The following PARD3 variants were observed in gnomAD, a reference collection of about 807,000 sequenced individuals.
PARD3 encodes the protein par-3 family cell polarity regulator.
A neutral mutation model predicts 155.4 loss-of-function variants in PARD3; 75 were observed. The ratio of observed to expected loss-of-function variants is 0.48; its 90% confidence interval spans 0.40 to 0.58. The LOEUF (loss-of-function observed/expected upper bound fraction) is 0.58. Ranked by LOEUF, PARD3 falls within the 20% of genes least tolerant of loss-of-function variation. The probability of loss-of-function intolerance (pLI) is 0.00; values close to 1 mark genes in which losing one functional copy is unlikely to be tolerated. For missense variants in PARD3, 1,642 were observed against 1,721.7 expected (o/e 0.95, Z 0.82); for synonymous variants, 576 against 610.5 (o/e 0.94, Z 0.83).
At chr10:34,769,432 T>G (rs1838548909) in intron 1 of PARD3, among the ~76,000 whole-genome samples, 1 of 151,968 alleles carries the variant, frequency 6.6e-6, no homozygotes, top group Non-Finnish European at 1.5e-5. Flanking sequence ...TCAGCCCACC[T>G]CCTCCCATTT....
chr10:34,250,232 A>G (rs1384501438), intron 22 of PARD3, among the ~76,000 whole-genome samples: 4 of 152,206 alleles, frequency 2.6e-5, no homozygotes, highest in Non-Finnish European at 5.9e-5. Context: ...AAGTTGGATC[A>G]ATTAGCAGCC....
chr10:34,353,055 G>A (rs1355421598), intron 14 of PARD3, among the ~76,000 whole-genome samples: 2 of 151,426 alleles, frequency 1.3e-5, no homozygotes, highest in Non-Finnish European at 2.9e-5. Context: ...GAAGTGAGGA[G>A]CCCCTCCGCC....
At chr10:34,228,078 C>A (rs1265081669) in intron 22 of PARD3, among the ~76,000 whole-genome samples, 1 of 151,468 alleles carries the variant, frequency 6.6e-6, no homozygotes, top group African/African-American at 2.4e-5. Flanking sequence ...CAATACTAGG[C>A]AGCCATAAAA....
At chr10:34,656,772 G>A (rs571951603) in intron 2 of PARD3, among the ~76,000 whole-genome samples, 2 of 152,308 alleles carry the variant, frequency 1.3e-5, no homozygotes, top group African/African-American at 4.8e-5. Context: ...TAATAACTCA[G>A]GGCCGCAGGA....
Position 34,224,950 on chromosome 10 carries a change from G to C in PARD3, c.3419+44707C>G, listed in dbSNP as rs539159635. 3.3e-5 allele frequency among the ~76,000 whole-genome samples: 5 copies of C among 152,186 alleles called. No homozygotes were observed. The South Asian group carries it at 1.0e-3, about 32-fold the overall frequency. On this transcript the variant is annotated intron_variant, in intron 22 of 24. Transcript: ENST00000374788. ...CTTTTCCTGAACAAGCTGGTTCCCT[G>C]GCTCTATTTTCATTGTTGTTGTTGT...
At chr10:34,199,628 C>T (rs932284323) in intron 22 of PARD3, among the ~76,000 whole-genome samples, 2 of 152,104 alleles carry the variant, frequency 1.3e-5, no homozygotes, top group African/African-American at 2.4e-5. Flanking sequence ...ATCTGAAAAA[C>T]CTGAATAAAA....
chr10:34,751,516 A>T (rs969086921), intron 1 of PARD3, among the ~76,000 whole-genome samples: 2 of 152,164 alleles, frequency 1.3e-5, no homozygotes, highest in African/African-American at 4.8e-5. Context: ...ATCCCTTCAG[A>T]GTCACCCTTT....
intron 22 of PARD3, among the ~76,000 whole-genome samples, chr10:34,239,796 C>T (rs1953464569): frequency 7.4e-6 from 1 of 135,140 alleles, no homozygotes; most frequent in African/African-American, 2.8e-5. Context: ...GAGTGACACT[C>T]CATCTCAAAA....
At chr10:34,614,708 T>G (rs2132652282) in intron 2 of PARD3, among the ~76,000 whole-genome samples, 1 of 152,346 alleles carries the variant, frequency 6.6e-6, no homozygotes, top group East Asian at 1.9e-4. Flanking sequence ...GTACATTTCC[T>G]ATTGCCCAAA....
chr10:34,474,172 C>T (rs2078547090), intron 3 of PARD3, among the ~76,000 whole-genome samples: 1 of 152,158 alleles, frequency 6.6e-6, no homozygotes, highest in African/African-American at 2.4e-5. Flanking sequence ...CAGTCAGTCA[C>T]TCAACAGCAT....
chr10:34,161,630 G>A (rs1341723072), intron 22 of PARD3, among the ~76,000 whole-genome samples: 7 of 152,086 alleles, frequency 4.6e-5, no homozygotes, highest in Admixed American at 4.6e-4. Context: ...CACCATGACG[G>A]TTGACAATCA....
chr10:34,164,156 GCCA>G (rs1447753738), intron 22 of PARD3, among the ~76,000 whole-genome samples: 4 of 152,062 alleles, frequency 2.6e-5, no homozygotes, highest in Non-Finnish European at 4.4e-5. Flanking sequence ...AAAACAAAGA[GCCA>G]CCAACTAAGG....
chr10:34,196,196 GT>G (rs1312526442), intron 22 of PARD3, among the ~76,000 whole-genome samples: 4 of 152,168 alleles, frequency 2.6e-5, no homozygotes, highest in Non-Finnish European at 4.4e-5. Context: ...CCCAGACAGA[GT>G]TCTGTATTCC....
chr10:34,354,150 A>G (rs562149774), intron 14 of PARD3, among the ~76,000 whole-genome samples: 62 of 151,892 alleles, frequency 4.1e-4, no homozygotes, highest in Non-Finnish European at 8.1e-4. Context: ...AAACAAAAAA[A>G]AAACGCCAGA....
chr10:34,665,027 G>C (rs1009590649), intron 2 of PARD3, among the ~76,000 whole-genome samples: 7 of 151,956 alleles, frequency 4.6e-5, no homozygotes, highest in African/African-American at 1.5e-4. Context: ...GGGAAAGAGA[G>C]GGGGAGAGGG....
intron 22 of PARD3, among the ~76,000 whole-genome samples, chr10:34,269,175 T>A (rs970533352): frequency 3.3e-5 from 5 of 152,202 alleles, no homozygotes; most frequent in African/African-American, 1.2e-4. Flanking sequence ...ATAAGCAATC[T>A]GTTATACTAT....
chr10:34,793,964 T>C (rs1257864351), intron 1 of PARD3, among the ~76,000 whole-genome samples: 1 of 152,170 alleles, frequency 6.6e-6, no homozygotes. Flanking sequence ...ATTTAAGTAA[T>C]ACCACATTTA....
intron 22 of PARD3, among the ~76,000 whole-genome samples, chr10:34,143,458 T>C (rs1401027417): frequency 3.3e-5 from 5 of 152,246 alleles, no homozygotes; most frequent in African/African-American, 1.2e-4. Flanking sequence ...TAGAAACTAA[T>C]TATAGAACCA....
At chr10:34,805,959 A>G (rs1843329612) in intron 1 of PARD3, among the ~76,000 whole-genome samples, 1 of 151,942 alleles carries the variant, frequency 6.6e-6, no homozygotes, top group Admixed American at 6.5e-5. Context: ...CCTGGGCGAC[A>G]GAGCGAGACT....
Sources: allele counts gnomAD v4.1 joint callset (sites outside exome capture counted in the v4.1 genomes callset), GRCh38; gene constraint gnomAD v4.1.1; transcripts MANE v1.5; gene names NCBI Gene and HGNC (gene_info 2026-07-23, HGNC 2026-07-21).